MSRA: variants seen among roughly 807,000 people sequenced by gnomAD.
MSRA encodes the protein methionine sulfoxide reductase A.
Under a neutral mutation model 31.3 loss-of-function variants are expected in MSRA, and 54 were observed. The ratio of observed to expected loss-of-function variants is 1.73; its 90% CI spans 1.39 to 2.17. The LOEUF is 2.17. Among genes scored for constraint, MSRA ranks in the 30% most tolerant of loss-of-function variants. The pLI is 0.00. For synonymous variants in MSRA, 169 were observed against 116.5 expected (o/e 1.45, Z -2.90); for missense variants, 507 against 300.9 (o/e 1.69, Z -5.07).
At chr8:10,221,691 A>C (rs1054038048) in intron 2 of MSRA, among the ~76,000 whole-genome samples, 1 of 152,210 alleles carries the variant, frequency 6.6e-6, no homozygotes, top group African/African-American at 2.4e-5. Context: ...AGCATATGGC[A>C]TGTCAGATTA....
chr8:10,108,793 G>A (rs1329933257), intron 1 of MSRA, among the ~76,000 whole-genome samples: 1 of 148,074 alleles, frequency 6.8e-6, no homozygotes, highest in African/African-American at 2.5e-5. Flanking sequence ...GTTGTCAAAT[G>A]AGTTGTTGGG....
chr8:10,272,531 G>T (rs1238330239), intron 3 of MSRA, among the ~76,000 whole-genome samples: 2 of 152,152 alleles, frequency 1.3e-5, no homozygotes, highest in Admixed American at 6.5e-5. Flanking sequence ...ATCAAGGAGG[G>T]CTGTCCGCTT....
chr8:10,328,585 C>T (rs779340068), intron 5 of MSRA, among the ~76,000 whole-genome samples: 28 of 152,236 alleles, frequency 1.8e-4, no homozygotes, highest in Non-Finnish European at 7.4e-5. Context: ...GCATCTTCCA[C>T]GGCATCTCTA....
chr8:10,215,553 A>G (rs1040048530), intron 2 of MSRA, among the ~76,000 whole-genome samples: 10 of 152,174 alleles, frequency 6.6e-5, no homozygotes, highest in Non-Finnish European at 5.9e-5. Flanking sequence ...CCTCTCCTTC[A>G]TAACACCAGA....
At chr8:10,158,975 C>T (rs996485502) in intron 1 of MSRA, among the ~76,000 whole-genome samples, 2 of 152,078 alleles carry the variant, frequency 1.3e-5, no homozygotes, top group Non-Finnish European at 2.9e-5. Flanking sequence ...CACCAATAGC[C>T]ATTGGAGGGT....
At chr8:10,266,391 C>A (rs1056574011) in intron 3 of MSRA, among the ~76,000 whole-genome samples, 4 of 152,158 alleles carry the variant, frequency 2.6e-5, no homozygotes, top group African/African-American at 9.7e-5. Context: ...GTATGTCTTT[C>A]ATAAATTGTC....
chr8:10,240,618 C>T lies in MSRA; in HGVS notation c.212-4486C>T, dbSNP rs990534182. 3.3e-5 allele frequency among the ~76,000 whole-genome samples: 5 copies of T among 152,192 alleles called. 1 individual carries two copies. The highest frequency in any genetic ancestry group is 4.4e-5 in the Non-Finnish European group (3 of 68,038). On this transcript the variant is annotated intron_variant, in intron 2 of 5. Coordinates refer to ENST00000317173, the MANE Select transcript of MSRA (RefSeq NM_012331.5). ...TCTTCCTCTTCCAGTCTTTGTGTTTCTGGCCTCTGACTAGGCAGCCAAGCC... is the reference window on the plus strand; with the variant it reads ...TCTTCCTCTTCCAGTCTTTGTGTTTTTGGCCTCTGACTAGGCAGCCAAGCC...
At chr8:10,222,858 A>G (rs1298335136) in intron 2 of MSRA, among the ~76,000 whole-genome samples, 1 of 152,214 alleles carries the variant, frequency 6.6e-6, no homozygotes, top group African/African-American at 2.4e-5. Context: ...GAAGGGTACA[A>G]AGTTTCAATT....
chr8:10,057,049 G>T (rs1023118524), intron 1 of MSRA, among the ~76,000 whole-genome samples: 1 of 152,188 alleles, frequency 6.6e-6, no homozygotes, highest in African/African-American at 2.4e-5. Flanking sequence ...TTTACACACT[G>T]TGACCAAGAT....
chr8:10,054,919 C>T (rs758542783), intron 1 of MSRA, among the ~76,000 whole-genome samples: 57 of 152,218 alleles, frequency 3.7e-4, no homozygotes, highest in Admixed American at 8.5e-4. Context: ...GCATCGGTCT[C>T]ACTTACCCGG....
intron 5 of MSRA, among the ~76,000 whole-genome samples, chr8:10,404,108 C>G (rs1379589808): frequency 6.6e-6 from 1 of 152,142 alleles, no homozygotes; most frequent in Non-Finnish European, 1.5e-5. Flanking sequence ...GAAAATGCTT[C>G]AAAGGATCTA....
chr8:10,159,517 A>G (rs80319731), intron 1 of MSRA, among the ~76,000 whole-genome samples: 3,512 of 152,312 alleles, frequency 0.023, 122 homozygotes, highest in African/African-American at 0.079. Context: ...GCCCTTTTAG[A>G]AAAATGCATG....
intron 1 of MSRA, among the ~76,000 whole-genome samples, chr8:10,198,499 C>T (rs1028051320): frequency 6.6e-6 from 1 of 152,088 alleles, no homozygotes; most frequent in African/African-American, 2.4e-5. Context: ...TACAGTTTTT[C>T]TGTATTTTAA....
chr8:10,411,383 AACC>A (rs1182882080), intron 5 of MSRA: 7 of 152,342 alleles, frequency 4.6e-5, no homozygotes, highest in Non-Finnish European at 8.8e-5. Flanking sequence ...GCGTATTCTT[AACC>A]ATGTGGAGCT....
At chr8:10,359,493 G>C (rs567700543) in intron 5 of MSRA, among the ~76,000 whole-genome samples, 1 of 151,852 alleles carries the variant, frequency 6.6e-6, no homozygotes, top group African/African-American at 2.4e-5. Flanking sequence ...TAGTTTTTTG[G>C]TCCATCTTTT....
chr8:10,306,464 C>T (rs568285514), intron 4 of MSRA, among the ~76,000 whole-genome samples: 1 of 151,574 alleles, frequency 6.6e-6, no homozygotes, highest in Non-Finnish European at 1.5e-5. Context: ...AAGTATTTAC[C>T]CTCCATCTAC....
intron 4 of MSRA, among the ~76,000 whole-genome samples, chr8:10,315,546 G>T (rs532352510): frequency 6.6e-6 from 1 of 152,250 alleles, no homozygotes; most frequent in African/African-American, 2.4e-5. Context: ...GTACTTTTCT[G>T]TAATTAAATC....
At chr8:10,221,991 A>G (rs186757048) in intron 2 of MSRA, among the ~76,000 whole-genome samples, 2 of 145,618 alleles carry the variant, frequency 1.4e-5, no homozygotes, top group Non-Finnish European at 3.1e-5. Context: ...GGCAATTCAC[A>G]GGTAATTCGT....
chr8:10,207,734 C>T, intron 1 of MSRA, 99 bp from the exon 2 acceptor site: 1 of 1,140,482 alleles, frequency 8.8e-7, no homozygotes, highest in Non-Finnish European at 1.2e-6. Context: ...GCATTTTTAA[C>T]TCAAAGGAGA....
Sources: allele counts gnomAD v4.1 joint callset (sites outside exome capture counted in the v4.1 genomes callset), GRCh38; gene constraint gnomAD v4.1.1; transcripts MANE v1.5; gene names NCBI Gene and HGNC (gene_info 2026-07-23, HGNC 2026-07-21).